The following SIK2 variants were observed in gnomAD, a reference collection of about 807,000 sequenced individuals.
SIK2 encodes the protein salt inducible kinase 2, also known as serine/threonine-protein kinase SIK2.
Under a neutral mutation model 103.2 loss-of-function variants are expected in SIK2, and 29 were observed. The ratio of observed to expected loss-of-function variants is 0.28; its 90% CI spans 0.21 to 0.38. The LOEUF is 0.38. Among genes scored for constraint, SIK2 ranks in the 10% least tolerant of loss-of-function variants. The pLI, the probability that SIK2 is intolerant of heterozygous loss-of-function variation, is 1.00. For missense variants in SIK2, 879 were observed against 1,171.0 expected (o/e 0.75, Z 3.64); for synonymous variants, 412 against 446.1 (o/e 0.92, Z 0.96).
chr11:111,630,004 G>A (rs1942016439), intron 3 of SIK2, among the ~76,000 whole-genome samples: 2 of 152,090 alleles, frequency 1.3e-5, no homozygotes, highest in African/African-American at 4.8e-5. Context: ...TCCATAAAAC[G>A]ATTTTGAGAA....
chr11:111,653,432 C>T (rs967919705), intron 3 of SIK2, among the ~76,000 whole-genome samples: 1 of 152,180 alleles, frequency 6.6e-6, no homozygotes, highest in Admixed American at 6.5e-5. Flanking sequence ...GCACCAACTT[C>T]CCTTTCCTTG....
Position 111,724,135 on chromosome 11 carries a change from G to C in SIK2, c.*6G>C, listed in dbSNP as rs371858570. ...GGTATGTCCTGGTGAATTAGTCTCA[G>C]CACAGGAATTGAGGTGGGTCAGGTG... On this transcript the variant is annotated 3_prime_UTR_variant, in exon 15 of 15. Coordinates refer to ENST00000304987, the MANE Select transcript of SIK2 (RefSeq NM_015191.3). 32 of 1,602,960 alleles carry C rather than the reference G, an allele frequency of 2.0e-5. No homozygotes were observed. Among genetic ancestry groups the C allele is most frequent in the Non-Finnish European group, 2.6e-5 (31 of 1,175,392 alleles).
chr11:111,721,937 C>G lies in SIK2; in HGVS notation c.2052C>G (p.Leu684=), dbSNP rs768116763. ...SLETQYLQHR[L]QKPSLLSKAQ... is the part of the protein sequence containing the mutation. Reference sequence around the variant, plus strand: ...AGACCCAGTACCTGCAGCACAGACTCCAGGTGGGTCCTTCTCCTTGCGAGT... The same window carrying G: ...AGACCCAGTACCTGCAGCACAGACTGCAGGTGGGTCCTTCTCCTTGCGAGT... The change falls in exon 13 of 15, where the codon CTC becomes CTG. Residue 684 remains leucine, a synonymous_variant. Transcript: ENST00000304987. The G allele has an allele frequency of 2.5e-6, 4 of 1,591,204 alleles. No homozygotes were observed. Among genetic ancestry groups the G allele is most frequent in the Non-Finnish European group, 2.6e-6 (3 of 1,169,832 alleles).
At chr11:111,638,001 G>A (rs1305028338) in intron 3 of SIK2, among the ~76,000 whole-genome samples, 6 of 152,174 alleles carry the variant, frequency 3.9e-5, no homozygotes, top group Admixed American at 6.5e-5. Flanking sequence ...GAACCAAGAA[G>A]CTAATTGGAA....
intron 1 of SIK2, among the ~76,000 whole-genome samples, chr11:111,606,082 A>G (rs1403234272): frequency 1.3e-5 from 2 of 152,194 alleles, no homozygotes; most frequent in Admixed American, 1.3e-4. Context: ...CTTGTTTGCT[A>G]TTCAGTGAGT....
Position 111,728,075 on chromosome 11 carries a change from G to C in SIK2, c.*3946G>C, listed in dbSNP as rs914735958. ...GTGTCATTTCACAGTCTCAGTCCCT[G>C]TGAACAGTGGCTGACACCGGTGCCA... On this transcript the variant is annotated 3_prime_UTR_variant, in exon 15 of 15. Transcript: ENST00000304987. 1.3e-5 allele frequency: 2 copies of C among 152,096 alleles called. No individual in the cohort carries two copies. The highest frequency in any genetic ancestry group is 4.8e-5 in the African/African-American group (2 of 41,392). 9.4% of individuals were successfully genotyped at this position (152,096 alleles called of 1,614,324 possible).
chr11:111,659,445 T>C (rs995358121), intron 3 of SIK2, among the ~76,000 whole-genome samples: 1 of 152,206 alleles, frequency 6.6e-6, no homozygotes, highest in Non-Finnish European at 1.5e-5. Flanking sequence ...AAGTGCAGCT[T>C]AGGCAGGCAT....
Position 111,653,085 on chromosome 11 carries a change from C to T in SIK2, c.316+32683C>T, listed in dbSNP as rs564028261. On this transcript the variant is annotated intron_variant, in intron 3 of 14. Transcript: ENST00000304987. ...AACAAGCTTTTCAAGGTGATTCTTA[C>T]GGACGCTAAAGTGTGAGAACCACTG... Among the ~76,000 whole-genome samples, 182 of 152,236 alleles carry T rather than the reference C, an allele frequency of 1.2e-3. 1 individual carries two copies. Among genetic ancestry groups the T allele is most frequent in the African/African-American group, 4.0e-3 (168 of 41,548 alleles).
intron 3 of SIK2, among the ~76,000 whole-genome samples, chr11:111,660,607 TTCC>T (rs923836653): frequency 3.9e-5 from 6 of 152,202 alleles, no homozygotes; most frequent in Admixed American, 2.6e-4. Flanking sequence ...GATACAGTCC[TTCC>T]TCAGATTTTC....
chr11:111,724,000 A>G lies in SIK2; in HGVS notation c.2652A>G (p.Arg884=). 6.2e-7 allele frequency: 1 copy of G among 1,614,190 alleles called. No individual in the cohort carries two copies. The highest frequency in any genetic ancestry group is 2.2e-5 in the East Asian group (1 of 44,880). ...QSDLTGPDCP[R]SPGLQEAPSS... ...ACCTAACGGGGCCAGACTGTCCCAG[A>G]AGCCCAGGACTGCAAGAGGCCCCCT... The change falls in exon 15 of 15, where the codon AGA becomes AGG. Residue 884 remains arginine, a synonymous_variant. Coordinates refer to ENST00000304987, the MANE Select transcript of SIK2 (RefSeq NM_015191.3).
chr11:111,723,435 C>T, intron 14 of SIK2, 61 bp from the exon 15 acceptor site: 1 of 1,505,276 alleles, frequency 6.6e-7, no homozygotes, highest in Non-Finnish European at 9.0e-7. Flanking sequence ...ATTGCATTTA[C>T]ATTAAAATTG....
chr11:111,615,305 G>C (rs990509018), intron 1 of SIK2, among the ~76,000 whole-genome samples: 5 of 120,630 alleles, frequency 4.1e-5, no homozygotes, highest in Non-Finnish European at 7.0e-5. Context: ...AAAAAAAAAA[G>C]AAGAAAAGTT....
At chr11:111,654,333 C>T (rs1212849887) in intron 3 of SIK2, among the ~76,000 whole-genome samples, 1 of 152,124 alleles carries the variant, frequency 6.6e-6, no homozygotes, top group Non-Finnish European at 1.5e-5. Flanking sequence ...CTGTTGAAAT[C>T]TCTGATTGTT....
intron 4 of SIK2, among the ~76,000 whole-genome samples, chr11:111,692,575 C>T (rs1942974772): frequency 1.3e-5 from 2 of 152,118 alleles, no homozygotes; most frequent in African/African-American, 4.8e-5. Flanking sequence ...CCAGATCATT[C>T]ACGTGCTATA....
intron 3 of SIK2, among the ~76,000 whole-genome samples, chr11:111,669,022 G>A (rs566411919): frequency 6.6e-6 from 1 of 152,144 alleles, no homozygotes; most frequent in Non-Finnish European, 1.5e-5. Context: ...ACATCAGGGT[G>A]CCCAATACTT....
Position 111,602,491 on chromosome 11 carries a change from CA to C in SIK2, c.-71del. The C allele has an allele frequency of 7.2e-7, 1 of 1,390,926 alleles. No individual in the cohort carries two copies. The highest frequency in any genetic ancestry group is 9.3e-7 in the Non-Finnish European group (1 of 1,073,748). The allele number at this position is 1,390,926 out of a possible 1,614,324, so 86.2% of individuals were successfully genotyped here. A position where few individuals can be genotyped will look rare whatever the true frequency, so the allele number is the denominator to read the frequency against. ...AGGAGCAAGCGGAGCGGCCGTCGCC[CA>C]AGCCAAGCCGCGCTGCCAACCCTCC... is the stretch of plus-strand genomic sequence containing the variant. On this transcript the variant is annotated 5_prime_UTR_variant, in exon 1 of 15. Coordinates refer to ENST00000304987, the MANE Select transcript of SIK2 (RefSeq NM_015191.3). The surrounding 1 kb of genome is among the most constrained non-coding windows in gnomAD (Gnocchi z 4.5).
chr11:111,633,903 A>AT (rs1199174475), intron 3 of SIK2, among the ~76,000 whole-genome samples: 1 of 151,966 alleles, frequency 6.6e-6, no homozygotes, highest in Non-Finnish European at 1.5e-5. Context: ...CCTTAACTAC[A>AT]TTTTTTCCTC....
At chr11:111,637,387 A>T (rs72645439) in intron 3 of SIK2, among the ~76,000 whole-genome samples, 3,200 of 151,392 alleles carry the variant, frequency 0.021, 64 homozygotes, top group East Asian at 0.084. Flanking sequence ...CAGGATGTGC[A>T]GATTTGTTAC....
intron 3 of SIK2, among the ~76,000 whole-genome samples, chr11:111,666,947 A>AT (rs1304662743): frequency 4.5e-4 from 4 of 8,904 alleles, no homozygotes; most frequent in Admixed American, 9.4e-3. Context: ...ATTTTATTTT[A>AT]TTTATTTATT....
Sources: gnomAD v4.1 joint callset for allele counts (sites outside exome capture counted in the v4.1 genomes callset) on GRCh38, gnomAD v4.1.1 for gene constraint, Gnocchi (gnomAD v3.1) non-coding constraint, MANE v1.5 for transcripts, NCBI Gene and HGNC (gene_info 2026-07-23, HGNC 2026-07-21) for gene names.